Variants in MKI67 observed in about 807,000 individuals in gnomAD.
The protein encoded by MKI67 is marker of proliferation Ki-67, also known as proliferation marker protein Ki-67.
A neutral mutation model predicts 233.5 loss-of-function variants in MKI67; 152 were observed. The observed-to-expected ratio is 0.65, with a 90% confidence interval of 0.57 to 0.74. MKI67 has a LOEUF of 0.74. Ranked by LOEUF, MKI67 falls within the 30% of genes least tolerant of loss-of-function variation. The pLI, the probability that MKI67 is intolerant of heterozygous loss-of-function variation, is 0.00. For missense variants in MKI67, 3,940 were observed against 3,885.2 expected (o/e 1.01, Z -0.37); for synonymous variants, 1,465 against 1,418.5 (o/e 1.03, Z -0.74).
Position 128,108,101 on chromosome 10 carries a change from T to C in MKI67, c.3739A>G (p.Thr1247Ala). ...TGTGGAGAGTCGCAGGGTATTTTAG[T>C]GGTTTTACCAGCAGCCACTAATTCC... is the stretch of plus-strand genomic sequence containing the variant. ...TEELVAAGKTTKIPCDSPQSD... is the reference protein window; with the variant it reads ...TEELVAAGKTAKIPCDSPQSD... Residue 1247 changes from threonine to alanine, a missense_variant, in exon 13 of 15, where the codon ACT (threonine) becomes GCT (alanine). Coordinates refer to ENST00000368654, the MANE Select transcript of MKI67 (RefSeq NM_002417.5). The C allele has an allele frequency of 1.2e-6, 2 of 1,613,042 alleles. No homozygotes were observed. The highest frequency in any genetic ancestry group is 1.7e-6 in the Non-Finnish European group (2 of 1,179,790).
intron 11 of MKI67, among the ~76,000 whole-genome samples, chr10:128,110,745 C>T (rs1278706130): frequency 2.0e-5 from 3 of 152,186 alleles, no homozygotes; most frequent in East Asian, 1.9e-4. Flanking sequence ...TTATGCTCTT[C>T]GCTTTGCTTT....
chr10:128,111,783 T>C lies in MKI67; in HGVS notation c.2122A>G (p.Thr708Ala), dbSNP rs143087624. The change falls in exon 11 of 15, where the codon ACA becomes GCA. Residue 708 changes from threonine to alanine, a missense_variant. Physicochemically the swap from Thr to Ala is moderately conservative, Grantham distance 58. Coordinates refer to ENST00000368654, the MANE Select transcript of MKI67 (RefSeq NM_002417.5). ...PVGEVHSQFS[T>A]GHANSPCTII... ...GTACAAGGAGAGTTTGCGTGGCCTG[T>C]ACTAAATTGACTGTGAACTTCGCCC... 6.7e-4 allele frequency: 1,073 copies of C among 1,613,362 alleles called. 5 individuals are homozygous for C. The highest frequency in any genetic ancestry group is 4.6e-3 in the Middle Eastern group (28 of 6,058).
In MKI67 at chr10:128,108,659, C is replaced by T. The variant is rs867016221; in HGVS notation, c.3181G>A (p.Asp1061Asn). The change falls in exon 13 of 15, where the codon GAT becomes AAT. Residue 1061 changes from aspartate (D) to asparagine (N), a missense_variant. Transcript: ENST00000368654. ...TTAAACGTTCTGATGCTCTTGCCAT[C>T]TCCTGCTGGCTCTCTGTGCGTGTGC... ...TTHTHREPAGDGKSIRTFKES... is the reference protein window; with the variant it reads ...TTHTHREPAGNGKSIRTFKES... The T allele has an allele frequency of 9.3e-6, 15 of 1,614,092 alleles. No individual in the cohort carries two copies. In the Admixed American group the frequency reaches 1.5e-4, roughly 16 times the overall value.
rs1475116133 is a variant in MKI67, at chr10:128,106,599, G to A, written c.5241C>T (p.Thr1747=). The change falls in exon 13 of 15, where the codon ACC becomes ACT. Residue 1747 remains threonine (T), a synonymous_variant. Coordinates refer to ENST00000368654, the MANE Select transcript of MKI67 (RefSeq NM_002417.5). ...YRASQPDLVD[T]PTSSKPQPKR... Reference sequence around the variant, plus strand: ...TGGGCTGTGGCTTGGAGCTTGTTGGGGTGTCCACTAGGTCTGGCTGTGAAG... The same window carrying A: ...TGGGCTGTGGCTTGGAGCTTGTTGGAGTGTCCACTAGGTCTGGCTGTGAAG... 6.2e-7 allele frequency: 1 copy of A among 1,614,066 alleles called. No homozygotes were observed. Among genetic ancestry groups the A allele is most frequent in the Non-Finnish European group, 8.5e-7 (1 of 1,179,996 alleles).
intron 6 of MKI67, 71 bp from the exon 7 acceptor site, chr10:128,116,078 A>C: frequency 6.8e-7 from 1 of 1,478,418 alleles, no homozygotes; most frequent in Non-Finnish European, 9.0e-7. Context: ...TGTGGAATTC[A>C]ATATTTTAAT....
intron 7 of MKI67, 130 bp downstream of exon 7, chr10:128,114,798 T>C: frequency 1.1e-6 from 1 of 913,140 alleles, no homozygotes; most frequent in Non-Finnish European, 1.6e-6. Flanking sequence ...CGTGTCTGTC[T>C]TATCCCTGTG....
chr10:128,107,240 C>T lies in MKI67; in HGVS notation c.4600G>A (p.Ala1534Thr), dbSNP rs1355934679. ...FFALRKRTPS[A>T]GKAMHTPKPA... ...TTGGGTGTGTGCATGGCTTTGCCTGCTGATGGTGTTCGTTTCCTGAGTGCG... is the reference window on the plus strand; with the variant it reads ...TTGGGTGTGTGCATGGCTTTGCCTGTTGATGGTGTTCGTTTCCTGAGTGCG... The change falls in exon 13 of 15, where the codon GCA (alanine) becomes ACA (threonine). Residue 1534 changes from alanine to threonine, a missense_variant. Coordinates refer to ENST00000368654, the MANE Select transcript of MKI67 (RefSeq NM_002417.5). The T allele has an allele frequency of 2.3e-5, 37 of 1,614,018 alleles. No individual in the cohort carries two copies. In the East Asian group the frequency reaches 8.0e-4, roughly 35 times the overall value.
chr10:128,108,869 G>A lies in MKI67; in HGVS notation c.2971C>T (p.His991Tyr), dbSNP rs1437116652. 3 of 1,614,194 alleles carry A rather than the reference G, an allele frequency of 1.9e-6. No homozygotes were observed. Among genetic ancestry groups the A allele is most frequent in the South Asian group, 1.1e-5 (1 of 91,080 alleles). Residue 991 changes from histidine (H) to tyrosine (Y), a missense_variant, in exon 13 of 15, where the codon CAT (histidine) becomes TAT (tyrosine). Coordinates refer to ENST00000368654, the MANE Select transcript of MKI67 (RefSeq NM_002417.5). The stretch of plus-strand genomic sequence containing the variant: ...TTCTCACTCTTTGGTGCCTTGGCAT[G>A]ATCTTGGGTTTGGAGGAGATTCTGG... ...RGQNLLQTQD[H>Y]AKAPKSEKGK...
chr10:128,115,878 T>C lies in MKI67; in HGVS notation c.530A>G (p.Gln177Arg), dbSNP rs748669970. The change falls in exon 7 of 15, where the codon CAG becomes CGG. Residue 177 changes from glutamine to arginine, a missense_variant. By Grantham distance (43) the Gln-to-Arg change is conservative (BLOSUM62 1). Coordinates refer to ENST00000368654, the MANE Select transcript of MKI67 (RefSeq NM_002417.5). ...TGAGGAATGAACATTAGTTGTTCCCTGAGCAACACTGTCTTTTGAGTCATC... is the reference window on the plus strand; with the variant it reads ...TGAGGAATGAACATTAGTTGTTCCCCGAGCAACACTGTCTTTTGAGTCATC... ...TADDSKDSVA[Q>R]GTTNVHSSEH... is the part of the protein sequence containing the mutation. 7 of 1,609,210 alleles carry C rather than the reference T, an allele frequency of 4.3e-6. No homozygotes were observed. The highest frequency in any genetic ancestry group is 3.3e-5 in the Admixed American group (2 of 60,028).
At chr10:128,121,954 C>T (rs1590319617) in intron 4 of MKI67, among the ~76,000 whole-genome samples, 1 of 152,038 alleles carries the variant, frequency 6.6e-6, no homozygotes, top group Non-Finnish European at 1.5e-5. Context: ...ACAAAACTAT[C>T]GTGTTCAGAG....
In MKI67 at chr10:128,115,701, GGA is replaced by G; in HGVS notation, c.705_706del (p.Pro236LeufsTer6). 1 of 1,613,760 alleles carries G rather than the reference GGA, an allele frequency of 6.2e-7. No homozygotes were observed. Among genetic ancestry groups the G allele is most frequent in the Non-Finnish European group, 8.5e-7 (1 of 1,180,012 alleles). On this transcript the variant is annotated frameshift_variant, in exon 7 of 15. Coordinates refer to ENST00000368654, the MANE Select transcript of MKI67 (RefSeq NM_002417.5). LOFTEE classifies it high-confidence loss of function. ...CACTGACTCATAAAGCTTCCAAAAG[GGA>G]GATTCATTTTTTTTGCTATTGTCAA...
Position 128,108,878 on chromosome 10 carries a change from T to C in MKI67, c.2962A>G (p.Thr988Ala). ...TTTGGTGCCTTGGCATGATCTTGGG[T>C]TTGGAGGAGATTCTGGCCACGTGCC... The part of the protein sequence containing the change: ...DTARGQNLLQ[T>A]QDHAKAPKSE... The change falls in exon 13 of 15, where the codon ACC (threonine) becomes GCC (alanine). Residue 988 changes from threonine to alanine, a missense_variant. Thr to Ala is a moderately conservative substitution (Grantham distance 58). Coordinates refer to ENST00000368654, the MANE Select transcript of MKI67 (RefSeq NM_002417.5). 1 of 1,614,168 alleles carries C rather than the reference T, an allele frequency of 6.2e-7. No homozygotes were observed.
chr10:128,113,417 T>C lies in MKI67; in HGVS notation c.1656+10A>G. ...CTGGGCGTGAATGGGATGCTGCTTG[T>C]TCAACTCACCTTGATGATTTTCTTC... On this transcript the variant is annotated intron_variant, in intron 8 of 14. Coordinates refer to ENST00000368654, the MANE Select transcript of MKI67 (RefSeq NM_002417.5). 2 of 1,614,030 alleles carry C rather than the reference T, an allele frequency of 1.2e-6. No homozygotes were observed. The highest frequency in any genetic ancestry group is 1.7e-6 in the Non-Finnish European group (2 of 1,179,898).
intron 3 of MKI67, 30 bp from the exon 4 acceptor site, chr10:128,123,026 A>G (rs1852984097): frequency 1.9e-6 from 3 of 1,562,768 alleles, no homozygotes; most frequent in Non-Finnish European, 2.6e-6. Context: ...GAAATATGTA[A>G]CTAATGAACA....
Position 128,119,362 on chromosome 10 carries a change from A to T in MKI67, c.288-43T>A, listed in dbSNP as rs200810258. The stretch of plus-strand genomic sequence containing the variant: ...ACAAAGATCCTGATTAAAAATTTAT[A>T]CCCTGGGGCGGAAGTCTCCATATCC... On this transcript the variant is annotated intron_variant, in intron 4 of 14. Transcript: ENST00000368654. 1.4e-5 allele frequency: 20 copies of T among 1,418,016 alleles called. No individual in the cohort carries two copies. In the East Asian group the frequency reaches 4.6e-4, roughly 32 times the overall value. The allele number at this position is 1,418,016 out of a possible 1,614,324, so 87.8% of individuals were successfully genotyped here.
intron 14 of MKI67, among the ~76,000 whole-genome samples, chr10:128,100,447 T>C (rs1476268326): frequency 6.6e-6 from 1 of 152,224 alleles, no homozygotes; most frequent in East Asian, 1.9e-4. Flanking sequence ...ATTCTGTATC[T>C]GAAGAGGTTA....
At chr10:128,111,015 A>G (rs1403869629) in intron 11 of MKI67, among the ~76,000 whole-genome samples, 1 of 152,234 alleles carries the variant, frequency 6.6e-6, no homozygotes, top group Non-Finnish European at 1.5e-5. Flanking sequence ...GTAATAATAT[A>G]TATTTTTGAA....
In MKI67 at chr10:128,109,095, T is replaced by C. The variant is rs747573211; in HGVS notation, c.2745A>G (p.Gln915=). Residue 915 remains glutamine, a synonymous_variant, in exon 13 of 15, where the codon CAA becomes CAG. Coordinates refer to ENST00000368654, the MANE Select transcript of MKI67 (RefSeq NM_002417.5). ...CCTTCATCTCTCCTTCTCTCCTTTG[T>C]TGTAGTAGTGTTGCCTTCTGACCTC... ...LKRGQKATLL[Q]QRREGEMKEI... is the part of the protein sequence containing the mutation. The C allele has an allele frequency of 1.1e-4, 175 of 1,614,128 alleles. No homozygotes were observed. Among genetic ancestry groups the C allele is most frequent in the Non-Finnish European group, 1.4e-4 (171 of 1,180,048 alleles).
At position 128,108,942 on chromosome 10, in the gene MKI67, G is replaced by A; in HGVS notation, c.2898C>T (p.Asp966=). 1.9e-6 allele frequency: 3 copies of A among 1,614,200 alleles called. No individual in the cohort carries two copies. The highest frequency in any genetic ancestry group is 2.5e-6 in the Non-Finnish European group (3 of 1,180,038). Residue 966 remains aspartate, a synonymous_variant, in exon 13 of 15, where the codon GAC becomes GAT. Transcript: ENST00000368654. ...QKCAPMSDLT[D]LKSLPDTELM... is the part of the protein sequence containing the mutation. ...GTTCTGTATCAGGCAAGCTCTTGAGGTCTGTCAGGTCAGACATTGGTGCAC... is the reference window on the plus strand; with the variant it reads ...GTTCTGTATCAGGCAAGCTCTTGAGATCTGTCAGGTCAGACATTGGTGCAC...
Sources: gnomAD v4.1 joint callset for allele counts (sites outside exome capture counted in the v4.1 genomes callset) on GRCh38, gnomAD v4.1.1 for gene constraint, MANE v1.5 for transcripts, NCBI Gene and HGNC (gene_info 2026-07-23, HGNC 2026-07-21) for gene names.